Variants in ANP32B observed in about 807,000 individuals in gnomAD.
ANP32B encodes acidic nuclear phosphoprotein 32 family member B, also known as acidic leucine-rich nuclear phosphoprotein 32 family member B.
ANP32B carries 6 observed loss-of-function variants against 32.2 expected under a neutral mutation model. The observed-to-expected ratio is 0.19, with a 90% confidence interval of 0.10 to 0.37. The LOEUF is 0.37. Among genes scored for constraint, ANP32B ranks in the 10% least tolerant of loss-of-function variants. The pLI is 1.00. For missense variants in ANP32B, 204 were observed against 289.2 expected (o/e 0.71, Z 2.14); for synonymous variants, 98 against 105.8 (o/e 0.93, Z 0.45).
chr9:97,999,052 C>T lies in ANP32B; in HGVS notation c.327+374C>T, dbSNP rs1419677405. The stretch of plus-strand genomic sequence containing the variant: ...TCGATCTCCTGACCTCGTGATCCGC[C>T]CGCCTCGGCCTCCCAAAGTGCTGGG... On this transcript the variant is annotated intron_variant, in intron 3 of 6. Transcript: ENST00000339399. Among the ~76,000 whole-genome samples the T allele has an allele frequency of 8.0e-5, 2 of 25,044 alleles. 1 individual carries two copies. The highest frequency in any genetic ancestry group is 1.5e-4 in the Non-Finnish European group (2 of 13,394). The allele number at this position is 25,044 out of a possible 152,430, so 16.4% of individuals were successfully genotyped here.
chr9:97,993,844 A>C (rs954910934), intron 1 of ANP32B, among the ~76,000 whole-genome samples: 1 of 152,096 alleles, frequency 6.6e-6, no homozygotes, highest in African/African-American at 2.4e-5. Flanking sequence ...TGTTGGCCAG[A>C]CTGGTCTTGA....
At chr9:97,994,802 G>A (rs1325764591) in intron 2 of ANP32B, 22 bp downstream of exon 2, 2 of 1,570,668 alleles carry the variant, frequency 1.3e-6, no homozygotes, top group Non-Finnish European at 1.7e-6. Flanking sequence ...TTCTTTAACA[G>A]TAAAAGAGAA....
chr9:97,990,784 A>AAT (rs1827811233), intron 1 of ANP32B, among the ~76,000 whole-genome samples: 1 of 147,408 alleles, frequency 6.8e-6, no homozygotes, highest in South Asian at 2.2e-4. Context: ...CCTCATTTTT[A>AAT]ATATGCACTT....
chr9:98,007,264 A>G (rs1828101975), intron 4 of ANP32B, among the ~76,000 whole-genome samples: 1 of 152,244 alleles, frequency 6.6e-6, no homozygotes, highest in Non-Finnish European at 1.5e-5. Context: ...GCCTGCTGCT[A>G]AGGACATTTG....
chr9:97,991,534 C>G (rs1827825371), intron 1 of ANP32B, among the ~76,000 whole-genome samples: 1 of 152,010 alleles, frequency 6.6e-6, no homozygotes. Flanking sequence ...TAGAAGATAT[C>G]CTCAAGAACA....
At chr9:98,000,520 C>T (rs1324102756) in intron 3 of ANP32B, among the ~76,000 whole-genome samples, 2 of 152,102 alleles carry the variant, frequency 1.3e-5, no homozygotes, top group East Asian at 1.9e-4. Context: ...CCCATTGTAT[C>T]CTTAAGTAAC....
At chr9:98,000,976 C>T (rs1292528678) in intron 3 of ANP32B, among the ~76,000 whole-genome samples, 1 of 151,528 alleles carries the variant, frequency 6.6e-6, no homozygotes, top group Non-Finnish European at 1.5e-5. Flanking sequence ...GCCCTTGGGA[C>T]CTCTTCTTCT....
intron 3 of ANP32B, among the ~76,000 whole-genome samples, chr9:98,000,416 C>G (rs970676729): frequency 2.6e-5 from 4 of 152,210 alleles, no homozygotes; most frequent in African/African-American, 4.8e-5. Context: ...CGGGCTCTTA[C>G]TAGTTTTATT....
At chr9:97,985,159 G>C (rs551250807) in intron 1 of ANP32B, among the ~76,000 whole-genome samples, 65 of 151,640 alleles carry the variant, frequency 4.3e-4, no homozygotes, top group Middle Eastern at 6.8e-3. Context: ...GCGGCCCCGC[G>C]GGGCCTCCCG....
rs745863418 is a variant in ANP32B, at chr9:97,994,620, GT to G, written c.55-10del. 4.4e-6 allele frequency: 7 copies of G among 1,583,922 alleles called. No homozygotes were observed. The highest frequency in any genetic ancestry group is 6.0e-6 in the Non-Finnish European group (7 of 1,171,350). The stretch of plus-strand genomic sequence containing the variant: ...TTTGAGAGCTTATCCTTTTTTCTTT[GT>G]CATCCACAGGTTCGAGAACTTGTCT... On this transcript the variant is annotated splice_polypyrimidine_tract_variant and intron_variant, in intron 1 of 6. Transcript: ENST00000339399.
chr9:97,988,553 C>T lies in ANP32B; in HGVS notation c.54+4944C>T, dbSNP rs151224238. Among the ~76,000 whole-genome samples, 855 of 152,118 alleles carry T rather than the reference C, an allele frequency of 5.6e-3. 10 individuals carry two copies. Among genetic ancestry groups the T allele is most frequent in the African/African-American group, 0.02 (828 of 41,494 alleles). Reference sequence around the variant, plus strand: ...CAGACCGGGCAACATGGCGAAACCCCGTCTCTACTAAAAATACAAAAATTA... The same window carrying T: ...CAGACCGGGCAACATGGCGAAACCCTGTCTCTACTAAAAATACAAAAATTA... On this transcript the variant is annotated intron_variant, in intron 1 of 6. Transcript: ENST00000339399.
At chr9:97,995,134 C>G (rs566636904) in intron 2 of ANP32B, among the ~76,000 whole-genome samples, 1 of 152,158 alleles carries the variant, frequency 6.6e-6, no homozygotes, top group Non-Finnish European at 1.5e-5. Flanking sequence ...AATTCTCTAT[C>G]CTTTCGGAAA....
At chr9:98,015,229 C>T in intron 6 of ANP32B, 135 bp from the exon 7 acceptor site, 2 of 1,270,934 alleles carry the variant, frequency 1.6e-6, no homozygotes, top group Non-Finnish European at 2.1e-6. Context: ...CTATTAGTCA[C>T]CTATATTAAT....
chr9:98,010,822 C>G (rs540750010), intron 4 of ANP32B, among the ~76,000 whole-genome samples: 1 of 146,474 alleles, frequency 6.8e-6, no homozygotes, highest in African/African-American at 2.6e-5. Flanking sequence ...GGTAATGATA[C>G]CCAAGAGAAG....
At chr9:97,992,158 C>T (rs1212336572) in intron 1 of ANP32B, among the ~76,000 whole-genome samples, 1 of 152,086 alleles carries the variant, frequency 6.6e-6, no homozygotes, top group Non-Finnish European at 1.5e-5. Flanking sequence ...GGCACATTCT[C>T]AGCTCACTGC....
chr9:97,999,998 G>C (rs1044303324), intron 3 of ANP32B, among the ~76,000 whole-genome samples: 13 of 152,218 alleles, frequency 8.5e-5, no homozygotes, highest in Non-Finnish European at 1.6e-4. Context: ...ATGCTCTGTT[G>C]ATACTTGAGG....
At chr9:97,988,126 CTTG>C (rs1158908835) in intron 1 of ANP32B, among the ~76,000 whole-genome samples, 1 of 151,030 alleles carries the variant, frequency 6.6e-6, no homozygotes, top group Non-Finnish European at 1.5e-5. Flanking sequence ...TGCTAGCTAG[CTTG>C]TTGCTTTTTT....
intron 1 of ANP32B, among the ~76,000 whole-genome samples, chr9:97,990,087 C>T (rs1021902588): frequency 6.6e-6 from 1 of 152,156 alleles, no homozygotes; most frequent in South Asian, 2.1e-4. Context: ...AACTTGATCT[C>T]TCATTTGTTC....
At chr9:97,994,926 T>C in intron 2 of ANP32B, 146 bp downstream of exon 2, 2 of 780,816 alleles carry the variant, frequency 2.6e-6, no homozygotes, top group Non-Finnish European at 3.8e-6. Flanking sequence ...AGCCCTAGCA[T>C]TTCCTTGATG....
Sources: gnomAD v4.1 joint callset for allele counts (sites outside exome capture counted in the v4.1 genomes callset) on GRCh38, gnomAD v4.1.1 for gene constraint, MANE v1.5 for transcripts, NCBI Gene and HGNC (gene_info 2026-07-23, HGNC 2026-07-21) for gene names.